The following SGCD variants were observed in gnomAD, a reference collection of about 807,000 sequenced individuals.
The protein encoded by SGCD is sarcoglycan delta, also known as delta-sarcoglycan.
In SGCD, 18 loss-of-function variants were observed where a neutral mutation model predicts 36.6. The observed-to-expected ratio is 0.49, with a 90% CI of 0.34 to 0.73. SGCD has a LOEUF of 0.73. SGCD is among the 30% of genes least tolerant of loss of function. The probability of loss-of-function intolerance (pLI) is 0.01; values close to 1 mark genes in which losing one functional copy is unlikely to be tolerated. For missense variants in SGCD, 387 were observed against 346.7 expected (o/e 1.12, Z -0.92); for synonymous variants, 133 against 130.6 (o/e 1.02, Z -0.12).
intron 1 of SGCD, among the ~76,000 whole-genome samples, chr5:155,988,618 G>A (rs540386241): frequency 7.9e-5 from 12 of 151,706 alleles, no homozygotes; most frequent in Admixed American, 4.6e-4. Flanking sequence ...TCCAGATGTC[G>A]TATTGTCTAA....
At chr5:156,471,346 T>C (rs571095768) in intron 3 of SGCD, among the ~76,000 whole-genome samples, 1 of 152,214 alleles carries the variant, frequency 6.6e-6, no homozygotes, top group East Asian at 1.9e-4. Context: ...ATAGCCAAAA[T>C]AATTTTTTAA....
chr5:156,414,392 A>G (rs919426227), intron 3 of SGCD, among the ~76,000 whole-genome samples: 1 of 152,276 alleles, frequency 6.6e-6, no homozygotes, highest in African/African-American at 2.4e-5. Flanking sequence ...TTAATGATGC[A>G]TATCTTTTAA....
At chr5:156,452,134 T>C (rs1248658649) in intron 3 of SGCD, among the ~76,000 whole-genome samples, 1 of 152,122 alleles carries the variant, frequency 6.6e-6, no homozygotes, top group Non-Finnish European at 1.5e-5. Flanking sequence ...TCCCTTGACC[T>C]CCTGAGTCAA....
In SGCD at chr5:155,911,317, G is replaced by GTA. The variant is rs201548921; in HGVS notation, c.-282+40894_-282+40895insAT. ...TATGTGTGTGTGTGTGTGTGTGTGT[G>GTA]TGTATATATATATATATATTTCCCC... On this transcript the variant is annotated intron_variant, in intron 1 of 9. Coordinates refer to the SGCD transcript ENST00000517913. Among the ~76,000 whole-genome samples the GTA allele has an allele frequency of 2.1e-3, 253 of 121,704 alleles. 3 individuals are homozygous for GTA. The highest frequency in any genetic ancestry group is 4.9e-3 in the Admixed American group (60 of 12,274). 79.8% of individuals were successfully genotyped at this position (121,704 alleles called of 152,430 possible). A position where few individuals can be genotyped will look rare whatever the true frequency, so the allele number is the denominator to read the frequency against.
At position 156,565,022 on chromosome 5, in the gene SGCD, A is replaced by G. The variant is rs560356385; in HGVS notation, c.295-24209A>G. 3.3e-5 allele frequency among the ~76,000 whole-genome samples: 5 copies of G among 152,360 alleles called. No homozygotes were observed. In the South Asian group the frequency reaches 8.3e-4, roughly 25 times the overall value. On this transcript the variant is annotated intron_variant, in intron 4 of 8. Transcript: ENST00000337851. ...ATTTGCTCCTAGCCTGTAAACAAGG[A>G]TAGATCTGAAAGATCAGAGACTTAG...
chr5:156,551,375 C>T (rs916424860), intron 4 of SGCD, among the ~76,000 whole-genome samples: 8 of 152,150 alleles, frequency 5.3e-5, no homozygotes, highest in African/African-American at 1.9e-4. Context: ...TCCCTACACA[C>T]TCAAATATGC....
At chr5:156,532,565 A>G (rs1049431737) in intron 4 of SGCD, among the ~76,000 whole-genome samples, 4 of 152,124 alleles carry the variant, frequency 2.6e-5, no homozygotes, top group Non-Finnish European at 5.9e-5. Context: ...GGTTCATGCC[A>G]TTCTCCTGCC....
chr5:156,136,020 C>T (rs75402119), intron 3 of SGCD, among the ~76,000 whole-genome samples: 3,099 of 152,276 alleles, frequency 0.02, 44 homozygotes, highest in Non-Finnish European at 0.034. Flanking sequence ...GTGGTAAAAA[C>T]TCCCTCACAA....
intron 2 of SGCD, among the ~76,000 whole-genome samples, chr5:156,334,521 T>C (rs919857689): frequency 2.0e-5 from 3 of 151,998 alleles, no homozygotes; most frequent in African/African-American, 7.2e-5. Flanking sequence ...TGTTCAACTA[T>C]AGCCTTTTCC....
the SGCD span, among the ~76,000 whole-genome samples, chr5:155,764,219 T>C: frequency 6.6e-6 from 1 of 152,082 alleles, no homozygotes; most frequent in Non-Finnish European, 1.5e-5. Context: ...AATACAAATT[T>C]AAAGGTTATT....
intron 6 of SGCD, among the ~76,000 whole-genome samples, chr5:156,608,820 A>T (rs1358714183): frequency 3.3e-5 from 5 of 151,468 alleles, no homozygotes; most frequent in Non-Finnish European, 5.9e-5. Context: ...GTCTCTTTTG[A>T]TCTTTGTTGG....
At chr5:156,565,919 T>C (rs1428803704) in intron 4 of SGCD, among the ~76,000 whole-genome samples, 2 of 152,206 alleles carry the variant, frequency 1.3e-5, no homozygotes, top group African/African-American at 4.8e-5. Flanking sequence ...GTGTATTATG[T>C]GCCACATTTT....
At chr5:156,339,002 G>C (rs1439429645) in intron 2 of SGCD, among the ~76,000 whole-genome samples, 2 of 152,144 alleles carry the variant, frequency 1.3e-5, no homozygotes, top group Non-Finnish European at 2.9e-5. Context: ...GCAGTCCCAG[G>C]TAGGAACATT....
At chr5:156,710,704 G>T (rs1417784232) in intron 7 of SGCD, among the ~76,000 whole-genome samples, 1 of 152,330 alleles carries the variant, frequency 6.6e-6, no homozygotes, top group East Asian at 1.9e-4. Flanking sequence ...AGTCAATAGA[G>T]TGTCTCGGTT....
At chr5:156,170,142 C>G (rs1763309210) in intron 3 of SGCD, among the ~76,000 whole-genome samples, 1 of 152,126 alleles carries the variant, frequency 6.6e-6, no homozygotes, top group African/African-American at 2.4e-5. Context: ...TTAAAATGAA[C>G]TGTTCCTGCA....
intron 2 of SGCD, among the ~76,000 whole-genome samples, chr5:156,329,895 T>C (rs1767984696): frequency 6.6e-6 from 1 of 151,108 alleles, no homozygotes; most frequent in Admixed American, 6.6e-5. Flanking sequence ...TGGGCGCCCG[T>C]AGTCCCAGCT....
chr5:156,290,005 G>C (rs111628079), intron 3 of SGCD, among the ~76,000 whole-genome samples: 37 of 152,122 alleles, frequency 2.4e-4, no homozygotes, highest in African/African-American at 8.2e-4. Context: ...TTATAGGCAG[G>C]GGCAATTAGA....
chr5:156,223,329 C>G (rs1295496924), intron 3 of SGCD, among the ~76,000 whole-genome samples: 2 of 151,990 alleles, frequency 1.3e-5, no homozygotes, highest in African/African-American at 2.4e-5. Context: ...GGTGAGTGGT[C>G]AGAGTTATAA....
At chr5:156,123,677 T>C (rs533314701) in intron 2 of SGCD, among the ~76,000 whole-genome samples, 2 of 152,278 alleles carry the variant, frequency 1.3e-5, no homozygotes, top group African/African-American at 4.8e-5. Flanking sequence ...TTTTTTTTGG[T>C]ATGATTCTTT....
Sources: gnomAD v4.1 joint callset for allele counts (sites outside exome capture counted in the v4.1 genomes callset) on GRCh38, gnomAD v4.1.1 for gene constraint, MANE v1.5 for transcripts, NCBI Gene and HGNC (gene_info 2026-07-23, HGNC 2026-07-21) for gene names.